Variants in FMN1 observed in about 807,000 individuals in gnomAD.
FMN1 encodes formin 1, also known as formin-1.
In FMN1, 110 loss-of-function variants were observed where a neutral mutation model predicts 132.4. The ratio of observed to expected loss-of-function variants is 0.83; its 90% CI spans 0.71 to 0.97. The LOEUF is 0.97. Among genes scored for constraint, FMN1 ranks in the 50% least tolerant of loss-of-function variants. FMN1 has a pLI of 0.00. For synonymous variants in FMN1, 722 were observed against 651.7 expected (o/e 1.11, Z -1.64); for missense variants, 1,792 against 1,705.3 (o/e 1.05, Z -0.90).
At chr15:32,932,843 T>C (rs1354347557) in intron 9 of FMN1, among the ~76,000 whole-genome samples, 1 of 151,910 alleles carries the variant, frequency 6.6e-6, no homozygotes, top group African/African-American at 2.4e-5. Context: ...GGTTGTAATG[T>C]CTTCTCTCTC....
chr15:33,155,212 C>T (rs995074971), intron 3 of FMN1, among the ~76,000 whole-genome samples, 167 bp from the exon 4 acceptor site: 1 of 152,146 alleles, frequency 6.6e-6, no homozygotes, highest in African/African-American at 2.4e-5. Flanking sequence ...CACTCCCACC[C>T]TACTCCTGAT....
At chr15:32,924,892 C>A (rs1473087696) in intron 10 of FMN1, among the ~76,000 whole-genome samples, 1 of 152,022 alleles carries the variant, frequency 6.6e-6, no homozygotes, top group Non-Finnish European at 1.5e-5. Context: ...CCAGCCTGGG[C>A]AATAAGAGCA....
intron 5 of FMN1, among the ~76,000 whole-genome samples, chr15:33,076,943 A>T (rs2038235813): frequency 6.6e-6 from 1 of 152,230 alleles, no homozygotes; most frequent in South Asian, 2.1e-4. Flanking sequence ...CACATGATTA[A>T]TTCAGACATT....
intron 6 of FMN1, among the ~76,000 whole-genome samples, chr15:33,057,204 G>A (rs1349178343): frequency 6.6e-6 from 1 of 152,090 alleles, no homozygotes; most frequent in Non-Finnish European, 1.5e-5. Context: ...CTAACCTATA[G>A]TATTAGAAGT....
chr15:32,921,883 G>C (rs568820479), intron 10 of FMN1, among the ~76,000 whole-genome samples: 86 of 152,080 alleles, frequency 5.7e-4, no homozygotes, highest in Middle Eastern at 3.4e-3. Context: ...ATGTTGGCCA[G>C]GTTGGTCTCG....
chr15:32,957,274 ATTGGAAAG>A (rs1207108620), intron 9 of FMN1, among the ~76,000 whole-genome samples: 1 of 144,920 alleles, frequency 6.9e-6, no homozygotes, highest in African/African-American at 2.5e-5. Context: ...TTAAAACACA[ATTGGAAAG>A]TTTATCAGAG....
chr15:33,045,837 G>T (rs1157037643), intron 6 of FMN1, among the ~76,000 whole-genome samples: 1 of 152,050 alleles, frequency 6.6e-6, no homozygotes, highest in Non-Finnish European at 1.5e-5. Context: ...AAAAATCATT[G>T]GCTAAATTAA....
chr15:33,094,294 C>G (rs1234775198), intron 4 of FMN1, among the ~76,000 whole-genome samples: 2 of 152,248 alleles, frequency 1.3e-5, no homozygotes, highest in Non-Finnish European at 2.9e-5. Flanking sequence ...TTTCAGAAGA[C>G]TTTTCCTGGG....
intron 10 of FMN1, among the ~76,000 whole-genome samples, chr15:32,925,331 T>C (rs561287437): frequency 1.3e-5 from 2 of 152,320 alleles, no homozygotes; most frequent in South Asian, 4.1e-4. Context: ...TAACTAAATA[T>C]TATGCACTTC....
rs140510729 is a variant in FMN1 at position 33,043,066 on chromosome 15, G to C, written c.2161+21891C>G. On this transcript the variant is annotated intron_variant, in intron 6 of 20. Transcript: ENST00000616417. ...ATGATGATTTTTCAGGTTTACAATG[G>C]TGCGAAAATGGTAGGCATTGGTAGA... Among the ~76,000 whole-genome samples the C allele has an allele frequency of 2.0e-5, 3 of 152,262 alleles. No individual in the cohort carries two copies. In the East Asian group the frequency reaches 5.8e-4, roughly 29 times the overall value.
chr15:32,895,966 A>C (rs1268228573), intron 15 of FMN1, among the ~76,000 whole-genome samples: 1 of 152,154 alleles, frequency 6.6e-6, no homozygotes, highest in African/African-American at 2.4e-5. Flanking sequence ...GCTACTTCAA[A>C]ATCAGTAAAC....
At chr15:33,023,922 T>C (rs771429691) in intron 6 of FMN1, among the ~76,000 whole-genome samples, 2 of 152,150 alleles carry the variant, frequency 1.3e-5, no homozygotes, top group African/African-American at 2.4e-5. Flanking sequence ...TTCAGCTATA[T>C]TAAAATATAC....
chr15:32,778,663 G>C (rs1357449562), intron 19 of FMN1, among the ~76,000 whole-genome samples: 4 of 152,084 alleles, frequency 2.6e-5, no homozygotes, highest in Non-Finnish European at 4.4e-5. Context: ...ACAAGTACTA[G>C]AGATGAAGAT....
chr15:33,156,951 A>G (rs1964694180), intron 3 of FMN1, among the ~76,000 whole-genome samples: 1 of 151,992 alleles, frequency 6.6e-6, no homozygotes, highest in Non-Finnish European at 1.5e-5. Flanking sequence ...GTAGTGTGTG[A>G]TGTTGGGGGA....
chr15:33,068,620 GCCCT>G, intron 5 of FMN1, among the ~76,000 whole-genome samples: 1 of 131,992 alleles, frequency 7.6e-6, no homozygotes, highest in Non-Finnish European at 1.7e-5. Flanking sequence ...TTAATTTACT[GCCCT>G]TGAAGCTTTT....
intron 19 of FMN1, among the ~76,000 whole-genome samples, chr15:32,792,902 T>G (rs752766484): frequency 1.3e-5 from 2 of 152,150 alleles, no homozygotes; most frequent in Non-Finnish European, 2.9e-5. Flanking sequence ...ACATCCAAAC[T>G]CCTTGCATTC....
At chr15:33,075,504 G>A (rs1033234665) in intron 5 of FMN1, among the ~76,000 whole-genome samples, 18 of 152,260 alleles carry the variant, frequency 1.2e-4, no homozygotes, top group Middle Eastern at 6.8e-3. Context: ...ATCCCTTTGG[G>A]TGTTGCAGGG....
chr15:33,008,125 CA>C, intron 6 of FMN1, 50 bp from the exon 7 acceptor site: 1 of 1,375,324 alleles, frequency 7.3e-7, no homozygotes, highest in Non-Finnish European at 1.0e-6. Context: ...AAATTAAGCA[CA>C]AAATTTATCT....
Position 33,153,331 on chromosome 15 carries a change from G to A in FMN1, c.1584C>T (p.Leu528=). The A allele has an allele frequency of 6.5e-7, 1 of 1,536,364 alleles. No homozygotes were observed. The change falls in exon 4 of 21, where the codon CTC becomes CTT. Residue 528 remains leucine (L), a synonymous_variant. Transcript: ENST00000616417. The stretch of plus-strand genomic sequence containing the variant: ...TCCTGTGATGCTGCTGAGGGCTGGG[G>A]AGCCTTGGAGACAGAGGCGAGGGAA... ...SPVPSPLSPR[L]PSPQQHHRIL...
Sources: allele counts gnomAD v4.1 joint callset (sites outside exome capture counted in the v4.1 genomes callset), GRCh38; gene constraint gnomAD v4.1.1; transcripts MANE v1.5; gene names NCBI Gene and HGNC (gene_info 2026-07-23, HGNC 2026-07-21).